The following MEGF10 variants were observed in gnomAD, a reference collection of about 807,000 sequenced individuals.
MEGF10 encodes the protein multiple EGF like domains 10.
In MEGF10, 86 loss-of-function variants were observed where a neutral mutation model predicts 147.5. That is an observed-to-expected ratio of 0.58 (90% confidence interval 0.49 to 0.70). The LOEUF (loss-of-function observed/expected upper bound fraction) is 0.70, where lower values mean the gene tolerates loss of function less well. MEGF10 is among the 30% of genes least tolerant of loss of function. MEGF10 has a pLI of 0.00. For missense variants in MEGF10, 1,329 were observed against 1,487.3 expected (o/e 0.89, Z 1.75); for synonymous variants, 478 against 525.5 (o/e 0.91, Z 1.24).
chr5:127,422,547 C>G, intron 12 of MEGF10, 123 bp from the exon 13 acceptor site: 1 of 684,038 alleles, frequency 1.5e-6, no homozygotes, highest in Non-Finnish European at 2.6e-6. Context: ...AAGATACATC[C>G]CTGTAAGAAG....
chr5:127,364,144 A>G (rs1269894480), intron 4 of MEGF10, among the ~76,000 whole-genome samples: 1 of 152,220 alleles, frequency 6.6e-6, no homozygotes, highest in Non-Finnish European at 1.5e-5. Flanking sequence ...CATACCATAC[A>G]ATTCAACCAT....
rs763764361 is a variant in MEGF10 at position 127,443,085 on chromosome 5, G to GT, written c.2452dup (p.Tyr818LeufsTer12). 2 of 1,613,648 alleles carry GT rather than the reference G, an allele frequency of 1.2e-6. No individual in the cohort carries two copies. The highest frequency in any genetic ancestry group is 1.7e-6 in the Non-Finnish European group (2 of 1,179,718). On this transcript the variant is annotated frameshift_variant, in exon 19 of 25. Transcript: ENST00000503335. LOFTEE classifies it high-confidence loss of function. ...ACCTGCGACCACATCACTGGGACCTGTTACTGCAGCCCCGGATGGAAGGGA... is the reference window on the plus strand; with the variant it reads ...ACCTGCGACCACATCACTGGGACCTGTTTACTGCAGCCCCGGATGGAAGGGA...
intron 21 of MEGF10, among the ~76,000 whole-genome samples, chr5:127,448,352 C>T (rs1258700332): frequency 6.6e-6 from 1 of 152,192 alleles, no homozygotes; most frequent in East Asian, 1.9e-4. Context: ...GATGAGGAAA[C>T]TGAGTCACAG....
intron 4 of MEGF10, among the ~76,000 whole-genome samples, chr5:127,361,758 A>G (rs1371720796): frequency 1.3e-5 from 2 of 152,116 alleles, no homozygotes; most frequent in Non-Finnish European, 2.9e-5. Context: ...TCTGATTAAT[A>G]TATCTTTTGA....
Position 127,294,999 on chromosome 5 carries a change from C to T in MEGF10, c.-19+3943C>T, listed in dbSNP as rs73344910. ...GGTTTTGGTTTGGTTTTTGGAATGA[C>T]GTGTCAGAGCACTGGAAAGGAAGTG... On this transcript the variant is annotated intron_variant, in intron 1 of 24. Transcript: ENST00000503335. 8.7e-4 allele frequency among the ~76,000 whole-genome samples: 132 copies of T among 152,080 alleles called. 1 individual carries two copies. Among genetic ancestry groups the T allele is most frequent in the African/African-American group, 2.9e-3 (121 of 41,502 alleles).
chr5:127,322,547 T>G (rs1760830234), intron 1 of MEGF10, among the ~76,000 whole-genome samples: 1 of 152,162 alleles, frequency 6.6e-6, no homozygotes, highest in South Asian at 2.1e-4. Flanking sequence ...CTAATCACAT[T>G]TTACATTGCC....
intron 22 of MEGF10, among the ~76,000 whole-genome samples, chr5:127,453,206 G>A (rs933799393): frequency 6.6e-6 from 1 of 152,176 alleles, no homozygotes; most frequent in Non-Finnish European, 1.5e-5. Context: ...ACCTAAGTCT[G>A]TAACATTCTT....
At chr5:127,417,593 A>G in intron 9 of MEGF10, 45 bp from the exon 10 acceptor site, 1 of 1,600,822 alleles carries the variant, frequency 6.2e-7, no homozygotes, top group Non-Finnish European at 8.6e-7. Flanking sequence ...GTTGGGTGTC[A>G]TGTTTACCCC....
At position 127,447,660 on chromosome 5, in the gene MEGF10, C is replaced by A; in HGVS notation, c.2832C>A (p.Asn944Lys). 6.2e-7 allele frequency: 1 copy of A among 1,614,154 alleles called. No individual in the cohort carries two copies. Among genetic ancestry groups the A allele is most frequent in the Non-Finnish European group, 8.5e-7 (1 of 1,180,026 alleles). ...GTGCCACATCCCCTCACGTCAACAA[C>A]AGGGACAGGATGACTGTCACGAAGG... is the stretch of plus-strand genomic sequence containing the variant. The part of the protein sequence containing the change: ...TQCATSPHVN[N>K]RDRMTVTKSK... Residue 944 changes from asparagine (N) to lysine (K), a missense_variant, in exon 21 of 25, where the codon AAC becomes AAA. Coordinates refer to ENST00000503335, the MANE Select transcript of MEGF10 (RefSeq NM_001256545.2).
At chr5:127,261,808 G>C in the MEGF10 span, among the ~76,000 whole-genome samples, 1 of 151,938 alleles carries the variant, frequency 6.6e-6, no homozygotes, top group Non-Finnish European at 1.5e-5. Flanking sequence ...CTTCTTAGTG[G>C]GTATGAAGTG....
rs565155949 is a variant in MEGF10 at position 127,408,684 on chromosome 5, A to T, written c.918-1705A>T. On this transcript the variant is annotated intron_variant, in intron 8 of 24. Transcript: ENST00000503335. Reference sequence around the variant, plus strand: ...GAAGGTTTTACCTGTTAACAAATACACCTGAAGATGTCTAGAATCTGTGAA... The same window carrying T: ...GAAGGTTTTACCTGTTAACAAATACTCCTGAAGATGTCTAGAATCTGTGAA... Among the ~76,000 whole-genome samples, 9 of 152,334 alleles carry T rather than the reference A, an allele frequency of 5.9e-5. No homozygotes were observed. In the South Asian group the frequency reaches 6.2e-4, roughly 11 times the overall value.
rs1039506134 is a variant in MEGF10, at chr5:127,382,635, G to A, written c.412+12633G>A. On this transcript the variant is annotated intron_variant, in intron 5 of 24. Coordinates refer to ENST00000503335, the MANE Select transcript of MEGF10 (RefSeq NM_001256545.2). ...CAGAGTTTAAAAGATTTTTAAGACA[G>A]AAGATACTATATGCAAAGTTAAAGG... 4.6e-5 allele frequency among the ~76,000 whole-genome samples: 7 copies of A among 152,282 alleles called. No individual in the cohort carries two copies. The South Asian group carries it at 1.5e-3, about 32-fold the overall frequency.
At chr5:127,241,477 CTGAGCCTAAACTGGGGTTTGGAT>C in the MEGF10 span, among the ~76,000 whole-genome samples, 1 of 152,098 alleles carries the variant, frequency 6.6e-6, no homozygotes, top group African/African-American at 2.4e-5. Flanking sequence ...AAGGCTCCAG[CTGAGCCTAAACTGGGGTTTGGAT>C]TGTGCCTGGG....
the MEGF10 span, among the ~76,000 whole-genome samples, chr5:127,254,560 C>T: frequency 6.6e-6 from 1 of 151,968 alleles, no homozygotes; most frequent in African/African-American, 2.4e-5. Flanking sequence ...ACCTGTAATC[C>T]TAGCACTTTG....
At chr5:127,329,196 G>T (rs1218383698) in intron 1 of MEGF10, among the ~76,000 whole-genome samples, 1 of 152,120 alleles carries the variant, frequency 6.6e-6, no homozygotes, top group Non-Finnish European at 1.5e-5. Flanking sequence ...TGTGAGAAAT[G>T]TCAATAATTT....
chr5:127,367,191 C>T (rs948035242), intron 4 of MEGF10, among the ~76,000 whole-genome samples: 4 of 151,502 alleles, frequency 2.6e-5, no homozygotes, highest in Non-Finnish European at 4.4e-5. Context: ...AAGAGAAAGA[C>T]GAGTGGTAAA....
chr5:127,358,993 C>T (rs988157305), intron 4 of MEGF10, among the ~76,000 whole-genome samples: 3 of 151,460 alleles, frequency 2.0e-5, no homozygotes, highest in African/African-American at 7.3e-5. Flanking sequence ...ATGTGCCCCA[C>T]AGATGGTATT....
intron 7 of MEGF10, among the ~76,000 whole-genome samples, chr5:127,401,969 C>T (rs1274419945): frequency 1.3e-5 from 2 of 152,142 alleles, no homozygotes; most frequent in Non-Finnish European, 2.9e-5. Context: ...AAATAAATGT[C>T]TAGGTTCGTT....
chr5:127,388,730 A>G (rs1479293894), intron 5 of MEGF10, among the ~76,000 whole-genome samples: 1 of 150,182 alleles, frequency 6.7e-6, no homozygotes, highest in East Asian at 2.0e-4. Flanking sequence ...TATTTTTAGT[A>G]GAGACAGAGT....
Sources: allele counts gnomAD v4.1 joint callset (sites outside exome capture counted in the v4.1 genomes callset), GRCh38; gene constraint gnomAD v4.1.1; transcripts MANE v1.5; gene names NCBI Gene and HGNC (gene_info 2026-07-23, HGNC 2026-07-21).